Variants in CD226 observed in about 807,000 individuals in gnomAD.
The protein encoded by CD226 is CD226 antigen.
A neutral mutation model predicts 34.9 loss-of-function variants in CD226; 24 were observed. The ratio of observed to expected loss-of-function variants is 0.69; its 90% CI spans 0.50 to 0.97. The LOEUF is 0.97. Among genes scored for constraint, CD226 ranks in the 50% least tolerant of loss-of-function variants. The pLI is 0.00. For synonymous variants in CD226, 148 were observed against 147.4 expected, an observed-to-expected ratio of 1.00 and a Z score of -0.03; for missense variants, 397 against 412.7, an observed-to-expected ratio of 0.96 and a Z score of 0.33.
intron 2 of CD226, among the ~76,000 whole-genome samples, chr18:69,939,918 A>C (rs1052703825): frequency 5.3e-5 from 8 of 152,226 alleles, no homozygotes; most frequent in Non-Finnish European, 1.0e-4. Context: ...ATTTGGGCTT[A>C]TCAGTCTCCA....
chr18:69,938,598 A>G (rs189947435), intron 2 of CD226, among the ~76,000 whole-genome samples: 27 of 152,360 alleles, frequency 1.8e-4, no homozygotes, highest in Admixed American at 1.4e-3. Flanking sequence ...TTGCTAGCCA[A>G]GTTGGTCTCT....
intron 3 of CD226, among the ~76,000 whole-genome samples, chr18:69,880,542 A>G (rs1427850615): frequency 1.3e-5 from 2 of 152,182 alleles, no homozygotes; most frequent in East Asian, 3.9e-4. Flanking sequence ...AGTAGAAAGT[A>G]GAATGATGGT....
upstream of CD226, among the ~76,000 whole-genome samples, chr18:69,948,266 T>C (rs1156918984): frequency 6.6e-6 from 1 of 152,174 alleles, no homozygotes; most frequent in African/African-American, 2.4e-5. Flanking sequence ...AAGTTCCAAT[T>C]CTTAAGAACT....
intron 3 of CD226, 119 bp from the exon 4 acceptor site, chr18:69,873,365 C>T: frequency 1.7e-6 from 1 of 574,670 alleles, no homozygotes; most frequent in Non-Finnish European, 3.1e-6. Context: ...AAGAATCCAA[C>T]AAAAAAAATA....
chr18:69,864,367 CCT>C lies in CD226; in HGVS notation c.956_957del (p.Glu319GlyfsTer16). The C allele has an allele frequency of 3.1e-6, 5 of 1,613,564 alleles. No individual in the cohort carries two copies. Among genetic ancestry groups the C allele is most frequent in the Non-Finnish European group, 4.2e-6 (5 of 1,179,630 alleles). Reference sequence around the variant, plus strand: ...AAGGTTGGATAGTTGACATAAATATCCTCTCTTGTATCATCCATGGATTGATT... The same window carrying C: ...AAGGTTGGATAGTTGACATAAATATCCTCTTGTATCATCCATGGATTGATT... The part of the protein sequence containing the change: ...PTNQSMDDTR[E>X]DIYVNYPTFS... On this transcript the variant is annotated frameshift_variant, in exon 6 of 6. Coordinates refer to ENST00000582621, the MANE Select transcript of CD226 (RefSeq NM_001303618.2). LOFTEE classifies it high-confidence loss of function.
At chr18:69,901,901 G>A (rs981947728) in intron 2 of CD226, among the ~76,000 whole-genome samples, 2 of 151,078 alleles carry the variant, frequency 1.3e-5, no homozygotes, top group African/African-American at 2.4e-5. Flanking sequence ...AAAAGTATTT[G>A]TTAGTACAAG....
At chr18:69,955,862 CAAAA>C (rs10659184) in intron 1 of CD226, among the ~76,000 whole-genome samples, 5 of 83,246 alleles carry the variant, frequency 6.0e-5, no homozygotes, top group South Asian at 1.1e-3. Context: ...GACTCCATCT[CAAAA>C]AAAAAAAAAA....
At position 69,947,011 on chromosome 18, in the gene CD226, T is replaced by G. The variant is rs2055802047; in HGVS notation, c.105A>C (p.Leu35=). The change falls in exon 2 of 6, where the codon CTA becomes CTC. Residue 35 remains leucine (L), a synonymous_variant. Transcript: ENST00000582621. ...TSVPFAENMS[L]ECVYPSMGIL... ...TGCCCATTGATGGATACACACATTC[T>G]AGAGACATGTTCTCGGCAAAGGGAA... is the stretch of plus-strand genomic sequence containing the variant. 3 of 1,614,084 alleles carry G rather than the reference T, an allele frequency of 1.9e-6. No homozygotes were observed. Among genetic ancestry groups the G allele is most frequent in the Non-Finnish European group, 2.5e-6 (3 of 1,180,032 alleles).
intron 3 of CD226, among the ~76,000 whole-genome samples, chr18:69,894,272 G>T (rs67643815): frequency 0.47 from 65,928 of 140,118 alleles, 16,555 homozygotes; most frequent in East Asian, 0.65. Flanking sequence ...TCTAGGTTTT[G>T]TGGGGGCTGG....
intron 1 of CD226, among the ~76,000 whole-genome samples, chr18:69,953,037 A>T (rs1579582): frequency 6.6e-6 from 1 of 152,138 alleles, no homozygotes; most frequent in East Asian, 1.9e-4. Flanking sequence ...ACTAGGATGG[A>T]CATAATCAAA....
intron 2 of CD226, among the ~76,000 whole-genome samples, chr18:69,936,065 G>A (rs1599023418): frequency 6.6e-6 from 1 of 152,168 alleles, no homozygotes; most frequent in African/African-American, 2.4e-5. Context: ...AGGAGGTAGA[G>A]AGAAACCCAG....
chr18:69,903,712 T>G (rs2055215576), intron 2 of CD226, among the ~76,000 whole-genome samples: 1 of 152,010 alleles, frequency 6.6e-6, no homozygotes, highest in South Asian at 2.1e-4. Flanking sequence ...GGTTGATGCT[T>G]CCACGAGCCA....
At chr18:69,950,223 T>C (rs930558884), upstream of CD226, among the ~76,000 whole-genome samples, 1 of 152,048 alleles carries the variant, frequency 6.6e-6, no homozygotes, top group African/African-American at 2.4e-5. Context: ...CGTTTACACA[T>C]GCTCACACAC....
chr18:69,946,512 T>G (rs2055794236), intron 2 of CD226, among the ~76,000 whole-genome samples: 1 of 152,078 alleles, frequency 6.6e-6, no homozygotes, highest in African/African-American at 2.4e-5. Context: ...ACATTCAAAT[T>G]TGAAAGGCAC....
upstream of CD226, among the ~76,000 whole-genome samples, chr18:69,951,759 G>A (rs1423350495): frequency 2.0e-5 from 3 of 152,314 alleles, no homozygotes; most frequent in African/African-American, 7.2e-5. Context: ...CAAGGAAATT[G>A]AAATGATGAT....
At chr18:69,927,199 G>T (rs1042806381) in intron 2 of CD226, among the ~76,000 whole-genome samples, 1 of 152,134 alleles carries the variant, frequency 6.6e-6, no homozygotes, top group African/African-American at 2.4e-5. Context: ...CAGCAAGAAG[G>T]CGCCGTCTTG....
At chr18:69,880,653 CT>C (rs33978545) in intron 3 of CD226, among the ~76,000 whole-genome samples, 90 of 138,296 alleles carry the variant, frequency 6.5e-4, no homozygotes, top group African/African-American at 1.7e-3. Flanking sequence ...CTTAAGATTT[CT>C]TTTTTTTTTT....
intron 3 of CD226, among the ~76,000 whole-genome samples, chr18:69,874,969 C>T (rs1045969557): frequency 1.3e-5 from 2 of 152,046 alleles, no homozygotes; most frequent in Admixed American, 6.6e-5. Flanking sequence ...TTTTCTTTAT[C>T]TATTCATCTG....
intron 2 of CD226, among the ~76,000 whole-genome samples, chr18:69,923,290 G>A (rs540081770): frequency 5.2e-4 from 79 of 152,248 alleles, no homozygotes; most frequent in African/African-American, 1.7e-3. Flanking sequence ...AGCAAAACAT[G>A]GCATCATAAT....
Sources: gnomAD v4.1 joint callset for allele counts (sites outside exome capture counted in the v4.1 genomes callset) on GRCh38, gnomAD v4.1.1 for gene constraint, MANE v1.5 for transcripts, NCBI Gene and HGNC (gene_info 2026-07-23, HGNC 2026-07-21) for gene names.